Variants in MARCHF1 observed in about 807,000 individuals in gnomAD.
MARCHF1 encodes E3 ubiquitin-protein ligase MARCHF1.
Under a neutral mutation model 54.2 loss-of-function variants are expected in MARCHF1, and 40 were observed. The observed-to-expected ratio is 0.74, with a 90% confidence interval of 0.57 to 0.96. The LOEUF (loss-of-function observed/expected upper bound fraction) is 0.96. Among genes scored for constraint, MARCHF1 ranks in the 40% least tolerant of loss-of-function variants. The pLI, the probability that MARCHF1 is intolerant of heterozygous loss-of-function variation, is 0.00. For synonymous variants in MARCHF1, 236 were observed against 236.3 expected (o/e 1.00, Z 0.01); for missense variants, 586 against 656.5 (o/e 0.89, Z 1.17).
chr4:163,574,672 A>G (rs372441106), intron 8 of MARCHF1, among the ~76,000 whole-genome samples: 75 of 151,296 alleles, frequency 5.0e-4, no homozygotes, highest in African/African-American at 1.8e-3. Context: ...CCATTGATCT[A>G]TATCTCTGTT....
chr4:163,893,572 A>G (rs1460324351), intron 3 of MARCHF1, among the ~76,000 whole-genome samples: 1 of 152,136 alleles, frequency 6.6e-6, no homozygotes, highest in Non-Finnish European at 1.5e-5. Flanking sequence ...CACGTAAAGT[A>G]TACAAATGGA....
chr4:163,998,733 A>G (rs1753128897), intron 2 of MARCHF1, among the ~76,000 whole-genome samples: 1 of 151,862 alleles, frequency 6.6e-6, no homozygotes, highest in East Asian at 1.9e-4. Flanking sequence ...ATTATGCATC[A>G]TTTATCTTAA....
At chr4:164,108,252 G>A (rs778267824) in intron 2 of MARCHF1, among the ~76,000 whole-genome samples, 9 of 151,976 alleles carry the variant, frequency 5.9e-5, no homozygotes, top group African/African-American at 1.2e-4. Context: ...TACCTTTAAA[G>A]CATATATGTA....
intron 2 of MARCHF1, among the ~76,000 whole-genome samples, chr4:164,085,807 A>G (rs1268602644): frequency 1.3e-5 from 2 of 151,842 alleles, no homozygotes; most frequent in Admixed American, 6.6e-5. Context: ...CTTGGTGCAT[A>G]AAAATAATTT....
chr4:163,762,752 T>C (rs1746863683), intron 4 of MARCHF1, among the ~76,000 whole-genome samples: 1 of 152,120 alleles, frequency 6.6e-6, no homozygotes. Flanking sequence ...GGTACACTGT[T>C]TGACTGTTTT....
chr4:163,913,201 G>T (rs746552805), intron 3 of MARCHF1, among the ~76,000 whole-genome samples: 1 of 152,118 alleles, frequency 6.6e-6, no homozygotes, highest in South Asian at 2.1e-4. Flanking sequence ...TAAAAGCCTC[G>T]TTATGTGTTT....
At chr4:163,960,703 G>A (rs982881789) in intron 3 of MARCHF1, among the ~76,000 whole-genome samples, 1 of 151,424 alleles carries the variant, frequency 6.6e-6, no homozygotes, top group African/African-American at 2.4e-5. Context: ...TAGCTATTGA[G>A]TACCAGGCTT....
chr4:163,811,244 TTTTAGTGGCACTAAACATTG>T (rs59260870), intron 4 of MARCHF1, among the ~76,000 whole-genome samples: 65,157 of 151,560 alleles, frequency 0.43, 15,139 homozygotes, highest in East Asian at 0.56. Flanking sequence ...GTTTTAAGAT[TTTTAGTGGCACTAAACATTG>T]TTTAGTGGCA....
chr4:164,349,894 T>C (rs1375152383), intron 1 of MARCHF1, among the ~76,000 whole-genome samples: 2 of 152,320 alleles, frequency 1.3e-5, no homozygotes, highest in East Asian at 3.9e-4. Context: ...TGTAACATAG[T>C]GGTTAAAAAA....
intron 3 of MARCHF1, among the ~76,000 whole-genome samples, chr4:163,919,963 G>A (rs1247827289): frequency 6.6e-6 from 1 of 152,288 alleles, no homozygotes; most frequent in East Asian, 1.9e-4. Context: ...CCTCATTAGA[G>A]TGTAATCTTG....
At chr4:164,169,628 T>C (rs1467924309) in intron 1 of MARCHF1, among the ~76,000 whole-genome samples, 3 of 152,154 alleles carry the variant, frequency 2.0e-5, no homozygotes, top group African/African-American at 7.2e-5. Context: ...TATATGTTTT[T>C]TAAAGTATGT....
intron 3 of MARCHF1, among the ~76,000 whole-genome samples, chr4:163,981,087 T>C (rs1283692157): frequency 6.6e-6 from 1 of 152,152 alleles, no homozygotes; most frequent in African/African-American, 2.4e-5. Flanking sequence ...ATCTCACACA[T>C]GAGCTTCATT....
chr4:164,067,091 G>T (rs569647247), intron 2 of MARCHF1, among the ~76,000 whole-genome samples: 38 of 152,060 alleles, frequency 2.5e-4, no homozygotes, highest in Middle Eastern at 3.4e-3. Flanking sequence ...CATCCCCTAA[G>T]AGGTTTTGGT....
chr4:164,336,459 G>C (rs1029097632), intron 1 of MARCHF1, among the ~76,000 whole-genome samples: 2 of 152,060 alleles, frequency 1.3e-5, no homozygotes, highest in African/African-American at 4.8e-5. Context: ...CAGTTTCTTT[G>C]CTCCATTTAT....
chr4:164,240,216 C>T (rs1359925847), intron 1 of MARCHF1, among the ~76,000 whole-genome samples: 1 of 152,228 alleles, frequency 6.6e-6, no homozygotes, highest in Non-Finnish European at 1.5e-5. Context: ...TTCAAGTTCA[C>T]TTTCAGTTCA....
chr4:163,718,696 T>C (rs28633965), intron 4 of MARCHF1, among the ~76,000 whole-genome samples: 3,784 of 152,256 alleles, frequency 0.025, 159 homozygotes, highest in African/African-American at 0.085. Context: ...TTTTTCCTTA[T>C]ACTTTGTTTT....
At chr4:164,209,549 T>C (rs1731707452) in intron 1 of MARCHF1, among the ~76,000 whole-genome samples, 1 of 152,216 alleles carries the variant, frequency 6.6e-6, no homozygotes, top group Non-Finnish European at 1.5e-5. Context: ...TTGAAAATCC[T>C]GCAGTACAAA....
At chr4:163,880,686 T>C (rs2111242440) in intron 3 of MARCHF1, among the ~76,000 whole-genome samples, 1 of 152,172 alleles carries the variant, frequency 6.6e-6, no homozygotes, top group Admixed American at 6.5e-5. Context: ...TGTTGGTCCA[T>C]TATCAAGACA....
chr4:164,293,569 CT>C (rs1734339225), intron 1 of MARCHF1, among the ~76,000 whole-genome samples: 1 of 152,144 alleles, frequency 6.6e-6, no homozygotes, highest in Admixed American at 6.6e-5. Flanking sequence ...TAAAGTTTTT[CT>C]TTTAATACAA....
Sources: gnomAD v4.1 joint callset for allele counts (sites outside exome capture counted in the v4.1 genomes callset) on GRCh38, gnomAD v4.1.1 for gene constraint, MANE v1.5 for transcripts, NCBI Gene and HGNC (gene_info 2026-07-23, HGNC 2026-07-21) for gene names.